The following ACAP2 variants were observed in gnomAD, a reference collection of about 807,000 sequenced individuals.
ACAP2 encodes the protein arf-GAP with coiled-coil, ANK repeat and PH domain-containing protein 2.
Under a neutral mutation model 115.8 loss-of-function variants are expected in ACAP2, and 39 were observed. The ratio of observed to expected loss-of-function variants is 0.34; its 90% CI spans 0.26 to 0.44. The LOEUF (loss-of-function observed/expected upper bound fraction) is 0.44, where lower values mean the gene tolerates loss of function less well. ACAP2 is among the 20% of genes least tolerant of loss of function. The pLI is 1.00. For synonymous variants in ACAP2, 289 were observed against 315.8 expected (o/e 0.92, Z 0.90); for missense variants, 662 against 927.6 (o/e 0.71, Z 3.72).
rs200248324 is a variant in ACAP2, at chr3:195,278,083, GAA to G, written c.*1243_*1244del. ...GTGACACAGCAAGACGCCATCTCGG[GAA>G]AAAAAAAAAAAAAAAGCAAATTAAT... On this transcript the variant is annotated 3_prime_UTR_variant, in exon 23 of 23. Transcript: ENST00000326793. The G allele has an allele frequency of 8.3e-5, 9 of 109,056 alleles. No individual in the cohort carries two copies. Among genetic ancestry groups the G allele is most frequent in the Admixed American group, 9.7e-5 (1 of 10,270 alleles). The allele number at this position is 109,056 out of a possible 1,614,324, so 6.8% of individuals were successfully genotyped here.
chr3:195,328,379 C>G (rs752672822), intron 8 of ACAP2, among the ~76,000 whole-genome samples: 60 of 151,926 alleles, frequency 3.9e-4, no homozygotes, highest in Non-Finnish European at 7.5e-4. Context: ...AAGAATAATT[C>G]TAGTCACAGA....
chr3:195,395,921 T>C (rs894816120), intron 1 of ACAP2, among the ~76,000 whole-genome samples: 8 of 152,214 alleles, frequency 5.3e-5, no homozygotes, highest in African/African-American at 1.9e-4. Flanking sequence ...CATAGTTTTT[T>C]ATTATCAATT....
At chr3:195,375,564 C>G (rs1158521096) in intron 4 of ACAP2, among the ~76,000 whole-genome samples, 1 of 150,942 alleles carries the variant, frequency 6.6e-6, no homozygotes, top group African/African-American at 2.4e-5. Context: ...GTAATCCCAG[C>G]ACTTTGGGAA....
rs1467607745 is a variant in ACAP2, at chr3:195,412,121, T to A, written c.54-19974A>T. 6.2e-5 allele frequency among the ~76,000 whole-genome samples: 8 copies of A among 129,534 alleles called. 1 individual carries two copies. The highest frequency in any genetic ancestry group is 1.1e-4 in the Non-Finnish European group (7 of 64,726). The allele number at this position is 129,534 out of a possible 152,430, so 85.0% of individuals were successfully genotyped here. The stretch of plus-strand genomic sequence containing the variant: ...AGGAGGATTGCTTGAAGCCAGGAGT[T>A]CCAGTTCAAGACCAGCCTGGGTCAC... On this transcript the variant is annotated intron_variant, in intron 1 of 22. Transcript: ENST00000326793.
At chr3:195,323,809 CA>C (rs112375217) in intron 9 of ACAP2, among the ~76,000 whole-genome samples, 7 of 144,380 alleles carry the variant, frequency 4.8e-5, no homozygotes, top group Admixed American at 6.9e-5. Context: ...TTAATGGATA[CA>C]AAAAAAAAAC....
At chr3:195,344,432 T>C (rs1731065728) in intron 5 of ACAP2, among the ~76,000 whole-genome samples, 2 of 152,046 alleles carry the variant, frequency 1.3e-5, no homozygotes, top group Non-Finnish European at 2.9e-5. Flanking sequence ...ACTTTCCTAA[T>C]ATGGAAATCT....
chr3:195,347,056 T>C lies in ACAP2; in HGVS notation c.286-1739A>G, dbSNP rs114458538. ...TGATTTTGGTGTGGAGACCCAACTG[T>C]ATGCATCTGTCAAAACCCATGAAGT... On this transcript the variant is annotated intron_variant, in intron 4 of 22. Transcript: ENST00000326793. Among the ~76,000 whole-genome samples the C allele has an allele frequency of 1.7e-3, 255 of 152,138 alleles. 1 individual carries two copies. Among genetic ancestry groups the C allele is most frequent in the African/African-American group, 5.7e-3 (238 of 41,540 alleles).
chr3:195,364,717 G>C (rs1004458244), intron 4 of ACAP2, among the ~76,000 whole-genome samples: 4 of 152,252 alleles, frequency 2.6e-5, no homozygotes, highest in Admixed American at 2.6e-4. Flanking sequence ...AAACAGTTTG[G>C]AGATTCCTGA....
intron 1 of ACAP2, among the ~76,000 whole-genome samples, chr3:195,440,182 G>C (rs1223621908): frequency 6.6e-6 from 1 of 151,596 alleles, no homozygotes; most frequent in African/African-American, 2.4e-5. Context: ...TTTTAAACTG[G>C]TATTTAAAAA....
At chr3:195,353,814 T>C (rs1477083531) in intron 4 of ACAP2, among the ~76,000 whole-genome samples, 1 of 152,210 alleles carries the variant, frequency 6.6e-6, no homozygotes, top group Non-Finnish European at 1.5e-5. Context: ...AACATTTTTC[T>C]CTTTTCTGCT....
chr3:195,376,843 A>G (rs1246786700), intron 4 of ACAP2, among the ~76,000 whole-genome samples: 3 of 152,202 alleles, frequency 2.0e-5, no homozygotes, highest in Non-Finnish European at 2.9e-5. Flanking sequence ...CTGATATACC[A>G]AAGCCCAACT....
chr3:195,424,261 G>GTATATATATATATATATA (rs1277754660), intron 1 of ACAP2, among the ~76,000 whole-genome samples: 1 of 54,656 alleles, frequency 1.8e-5, no homozygotes, highest in Non-Finnish European at 3.4e-5. Context: ...GTGTGTGTGT[G>GTATATATATATATATATA]TATATATATA....
intron 1 of ACAP2, among the ~76,000 whole-genome samples, chr3:195,398,003 C>A (rs11928623): frequency 3.3e-5 from 5 of 152,130 alleles, no homozygotes; most frequent in Non-Finnish European, 5.9e-5. Flanking sequence ...CACTTCTAGG[C>A]GTGCAAAAGG....
chr3:195,377,667 G>A (rs921538683), intron 4 of ACAP2, among the ~76,000 whole-genome samples: 2 of 152,050 alleles, frequency 1.3e-5, no homozygotes, highest in Non-Finnish European at 2.9e-5. Flanking sequence ...AAAATTTAAA[G>A]TATTGGTTAC....
At chr3:195,344,929 T>G (rs974229744) in intron 5 of ACAP2, among the ~76,000 whole-genome samples, 7 of 152,204 alleles carry the variant, frequency 4.6e-5, no homozygotes, top group African/African-American at 1.7e-4. Flanking sequence ...CAATAACTAA[T>G]AGTATTTCAA....
chr3:195,378,436 G>C (rs1468972722), intron 4 of ACAP2, among the ~76,000 whole-genome samples: 3 of 151,696 alleles, frequency 2.0e-5, no homozygotes, highest in Admixed American at 6.6e-5. Context: ...AGGTTGCAGT[G>C]AGCCAAGATT....
chr3:195,317,568 T>G (rs2109019430), intron 10 of ACAP2, among the ~76,000 whole-genome samples: 1 of 152,298 alleles, frequency 6.6e-6, no homozygotes, highest in African/African-American at 2.4e-5. Flanking sequence ...CGACAACCAA[T>G]CTTTTGGTTG....
chr3:195,309,051 G>A (rs1306091798), intron 10 of ACAP2, among the ~76,000 whole-genome samples: 1 of 152,082 alleles, frequency 6.6e-6, no homozygotes, highest in Non-Finnish European at 1.5e-5. Context: ...GAAAATTAAA[G>A]TACTACATTT....
chr3:195,367,344 T>C (rs889787627), intron 4 of ACAP2, among the ~76,000 whole-genome samples: 3 of 152,210 alleles, frequency 2.0e-5, no homozygotes, highest in Admixed American at 6.5e-5. Context: ...GTTCTCAAAC[T>C]TTACTGCAAT....
Sources: gnomAD v4.1 joint callset for allele counts (sites outside exome capture counted in the v4.1 genomes callset) on GRCh38, gnomAD v4.1.1 for gene constraint, MANE v1.5 for transcripts, NCBI Gene and HGNC (gene_info 2026-07-23, HGNC 2026-07-21) for gene names.